The following CDH23 variants were observed in gnomAD, a reference collection of about 807,000 sequenced individuals.
The protein encoded by CDH23 is cadherin-23.
Under a neutral mutation model 317.1 loss-of-function variants are expected in CDH23, and 189 were observed. The ratio of observed to expected loss-of-function variants is 0.60; its 90% CI spans 0.53 to 0.67. CDH23 has a LOEUF of 0.67. Among genes scored for constraint, CDH23 ranks in the 30% least tolerant of loss-of-function variants. CDH23 has a pLI of 0.00. For missense variants in CDH23, 4,401 were observed against 4,592.4 expected (o/e 0.96, Z 1.20); for synonymous variants, 1,839 against 1,876.8 (o/e 0.98, Z 0.52).
chr10:71,629,634 A>T (rs544180004), intron 11 of CDH23, among the ~76,000 whole-genome samples: 1 of 152,370 alleles, frequency 6.6e-6, no homozygotes, highest in South Asian at 2.1e-4. Flanking sequence ...ACTGAATGTG[A>T]TGCCTTCATG....
intron 6 of CDH23, among the ~76,000 whole-genome samples, chr10:71,522,189 A>G (rs980864371): frequency 6.6e-6 from 1 of 152,008 alleles, no homozygotes; most frequent in Non-Finnish European, 1.5e-5. Flanking sequence ...ATGGAGAAGC[A>G]AACACTCATA....
rs199793172 is a variant in CDH23, at chr10:71,510,990, G to C, written c.325G>C (p.Asp109His). 1.2e-6 allele frequency: 2 copies of C among 1,613,746 alleles called. No individual in the cohort carries two copies. The highest frequency in any genetic ancestry group is 1.1e-5 in the South Asian group (1 of 91,082). Residue 109 changes from aspartate to histidine, a missense_variant, in exon 5 of 70, where the codon GAC (aspartate) becomes CAC (histidine). By Grantham distance (81) the Asp-to-His change is moderately conservative (BLOSUM62 -1). Coordinates refer to ENST00000224721, the MANE Select transcript of CDH23 (RefSeq NM_022124.6). The stretch of plus-strand genomic sequence containing the variant: ...GTTCACCGTGGAGTTCTCTGTCAGC[G>C]ACCACCAGGGGGTGAGTGTTCCCTG... ...SEFTVEFSVS[D>H]HQGVITRKVN... is the part of the protein sequence containing the mutation.
At chr10:71,814,064 C>G (rs1589441130) in intron 69 of CDH23, among the ~76,000 whole-genome samples, 1 of 152,316 alleles carries the variant, frequency 6.6e-6, no homozygotes, top group East Asian at 1.9e-4. Context: ...AGTCGAATAG[C>G]CTCATACAGG....
intron 6 of CDH23, among the ~76,000 whole-genome samples, chr10:71,558,988 A>G (rs1278806777): frequency 1.3e-5 from 2 of 152,166 alleles, no homozygotes; most frequent in Admixed American, 1.3e-4. Flanking sequence ...TCTAGAAAGT[A>G]AATCTCACAT....
rs905940110 is a variant in CDH23 at position 71,798,272 on chromosome 10, C to T, written c.6830-82C>T. 1.0e-4 allele frequency: 105 copies of T among 1,038,284 alleles called. No individual in the cohort carries two copies. In the East Asian group the frequency reaches 1.8e-3, roughly 18 times the overall value. The allele number at this position is 1,038,284 out of a possible 1,614,324, so 64.3% of individuals were successfully genotyped here. On this transcript the variant is annotated intron_variant, in intron 49 of 69. Transcript: ENST00000224721. The stretch of plus-strand genomic sequence containing the variant: ...GCTGTGGGATGCTGCCATGCTCACC[C>T]GGCTTGGCTGAGGCTAAGGAAGGCC...
chr10:71,614,341 G>T (rs796952238), intron 9 of CDH23, among the ~76,000 whole-genome samples: 7 of 152,254 alleles, frequency 4.6e-5, no homozygotes, highest in African/African-American at 1.7e-4. Flanking sequence ...GAATGAATGG[G>T]AGTGAGTGAG....
At chr10:71,781,855 C>T (rs1455929753) in intron 41 of CDH23, among the ~76,000 whole-genome samples, 1 of 152,182 alleles carries the variant, frequency 6.6e-6, no homozygotes, top group African/African-American at 2.4e-5. Flanking sequence ...TCAATGAAGG[C>T]CCAGAGAGGT....
intron 6 of CDH23, among the ~76,000 whole-genome samples, chr10:71,525,159 G>A (rs553418066): frequency 9.9e-5 from 15 of 152,164 alleles, no homozygotes; most frequent in East Asian, 3.9e-4. Flanking sequence ...TGCCCACCTC[G>A]GCCCCCCAAA....
intron 27 of CDH23, 80 bp from the exon 28 acceptor site, chr10:71,712,584 GC>G: frequency 6.5e-7 from 1 of 1,538,410 alleles, no homozygotes; most frequent in Non-Finnish European, 8.9e-7. Flanking sequence ...TCTGGCCGGT[GC>G]CCGGGAGTGT....
chr10:71,741,064 A>G lies in CDH23; in HGVS notation c.4617+114A>G, dbSNP rs949026194. 4.1e-5 allele frequency: 49 copies of G among 1,203,672 alleles called. No individual in the cohort carries two copies. In the Middle Eastern group the frequency reaches 5.7e-4, roughly 14 times the overall value. The allele number at this position is 1,203,672 out of a possible 1,614,324, so 74.6% of individuals were successfully genotyped here. A position where few individuals can be genotyped will look rare whatever the true frequency, so the allele number is the denominator to read the frequency against. On this transcript the variant is annotated intron_variant, in intron 37 of 69. Coordinates refer to ENST00000224721, the MANE Select transcript of CDH23 (RefSeq NM_022124.6). ...CTGGCCCACTGGTCCCTCAGATCTCATGGATGGGAACTGTGGCTCATTCGT... is the reference window on the plus strand; with the variant it reads ...CTGGCCCACTGGTCCCTCAGATCTCGTGGATGGGAACTGTGGCTCATTCGT...
rs2290025 is a variant in CDH23, at chr10:71,690,430, G to T, written c.2060-38G>T. The T allele has an allele frequency of 0.025, 37,150 of 1,493,448 alleles. 2,425 individuals are homozygous for T. In the East Asian group the frequency reaches 0.26, roughly 11 times the overall value. 92.5% of individuals were successfully genotyped at this position (1,493,448 alleles called of 1,614,324 possible). Reference sequence around the variant, plus strand: ...GGCCTTGAAGCCAGGGGCCCAGGGTGAGCAGCACCCCCTGCCCCCACCTTT... The same window carrying T: ...GGCCTTGAAGCCAGGGGCCCAGGGTTAGCAGCACCCCCTGCCCCCACCTTT... On this transcript the variant is annotated intron_variant, in intron 19 of 69. Coordinates refer to ENST00000224721, the MANE Select transcript of CDH23 (RefSeq NM_022124.6).
chr10:71,665,023 A>T (rs1863828685), intron 14 of CDH23, among the ~76,000 whole-genome samples: 1 of 152,170 alleles, frequency 6.6e-6, no homozygotes, highest in African/African-American at 2.4e-5. Flanking sequence ...ATAAGTCATC[A>T]GATATCTCAT....
intron 48 of CDH23, chr10:71,795,806 C>T (rs1841385609): frequency 1.0e-6 from 1 of 987,190 alleles, no homozygotes; most frequent in East Asian, 1.1e-4. Flanking sequence ...TGTTAACCCT[C>T]TTCTCTCTTC....
chr10:71,561,644 A>G (rs1857136921), intron 6 of CDH23, among the ~76,000 whole-genome samples: 1 of 152,164 alleles, frequency 6.6e-6, no homozygotes, highest in Admixed American at 6.5e-5. Context: ...CAGAAGTGAT[A>G]TGGAGCTTAA....
In CDH23 at chr10:71,501,979, C is replaced by T. The variant is rs114098102; in HGVS notation, c.146-8103C>T. ...TGGCCTTGGAATTTGAGGCTGGGGC[C>T]CTGCTGTTTGCAACTCCTTGGCTCA... On this transcript the variant is annotated intron_variant, in intron 3 of 69. Coordinates refer to ENST00000224721, the MANE Select transcript of CDH23 (RefSeq NM_022124.6). 7.3e-3 allele frequency among the ~76,000 whole-genome samples: 1,114 copies of T among 152,312 alleles called. 20 individuals are homozygous for T. The highest frequency in any genetic ancestry group is 0.031 in the Middle Eastern group (9 of 294).
intron 30 of CDH23, among the ~76,000 whole-genome samples, chr10:71,729,827 T>A (rs1292268723): frequency 2.0e-5 from 3 of 152,020 alleles, no homozygotes; most frequent in Non-Finnish European, 4.4e-5. Context: ...TGTGAACTAT[T>A]TTATTATTAT....
At chr10:71,459,501 C>G (rs1232946358) in intron 3 of CDH23, among the ~76,000 whole-genome samples, 1 of 152,174 alleles carries the variant, frequency 6.6e-6, no homozygotes, top group Non-Finnish European at 1.5e-5. Flanking sequence ...TGAGAAGCAG[C>G]TCGGGGACAG....
chr10:71,527,280 G>A (rs1451183191), intron 6 of CDH23, among the ~76,000 whole-genome samples: 4 of 152,370 alleles, frequency 2.6e-5, no homozygotes, highest in South Asian at 4.1e-4. Context: ...CTTCTGTCCC[G>A]GGTGTCTCCC....
At chr10:71,461,789 A>G (rs563864893) in intron 3 of CDH23, among the ~76,000 whole-genome samples, 1 of 152,360 alleles carries the variant, frequency 6.6e-6, no homozygotes, top group South Asian at 2.1e-4. Flanking sequence ...GTGCAAAGTC[A>G]GAGCGTTCAT....
Sources: gnomAD v4.1 joint callset for allele counts (sites outside exome capture counted in the v4.1 genomes callset) on GRCh38, gnomAD v4.1.1 for gene constraint, MANE v1.5 for transcripts, NCBI Gene and HGNC (gene_info 2026-07-23, HGNC 2026-07-21) for gene names.